The following TTN variants were observed in gnomAD, a reference collection of about 807,000 sequenced individuals.
TTN encodes the protein connectin.
TTN carries 1,525 observed loss-of-function variants against 3,223.0 expected under a neutral mutation model. The observed-to-expected ratio is 0.47, with a 90% confidence interval of 0.45 to 0.49. The LOEUF (loss-of-function observed/expected upper bound fraction) is 0.49. Among genes scored for constraint, TTN ranks in the 20% least tolerant of loss-of-function variants. TTN has a pLI of 0.00. For missense variants in TTN, 40,786 were observed against 43,424.0 expected, an observed-to-expected ratio of 0.94 and a Z score of 5.40; for synonymous variants, 14,094 against 15,161.0, an observed-to-expected ratio of 0.93 and a Z score of 5.17.
At chr2:178,800,813 G>A (rs1234584029) in intron 3 of TTN, 131 bp from the exon 4 acceptor site, 7 of 1,019,346 alleles carry the variant, frequency 6.9e-6, no homozygotes, top group Non-Finnish European at 9.6e-6. Flanking sequence ...GAATGTCCTT[G>A]AACCCAGCTC....
chr2:178,598,291 A>T (rs960135346), intron 292 of TTN, among the ~76,000 whole-genome samples: 1 of 152,124 alleles, frequency 6.6e-6, no homozygotes, highest in Non-Finnish European at 1.5e-5. Flanking sequence ...TTTATTCCAC[A>T]TTCCAGGGTT....
rs779585431 is a variant in TTN at position 178,727,640 on chromosome 2, G to A, written c.19938C>T (p.Cys6646=). ...VDASKTGQYT[C]HVTNDVGSDS... ...CGCTACCAACATCATTGGTAACATG[G>A]CAAGTATACTGTCCAGTCTTAGAAG... Residue 6646 remains cysteine (C), a synonymous_variant, in exon 68 of 363, where the codon TGC becomes TGT. Transcript: ENST00000589042. The A allele has an allele frequency of 3.1e-6, 5 of 1,603,960 alleles. 1 individual carries two copies. The South Asian group carries it at 5.6e-5, about 18-fold the overall frequency.
In TTN at chr2:178,687,699, T is replaced by A. The variant is rs1260777495; in HGVS notation, c.32311+412A>T. On this transcript the variant is annotated intron_variant, in intron 127 of 362. Coordinates refer to ENST00000589042, the MANE Select transcript of TTN (RefSeq NM_001267550.2). ...TAAAGGATTATAATATAAAATATATTTCTGTCTGTGGATTGTGGTACAAGC... is the reference window on the plus strand; with the variant it reads ...TAAAGGATTATAATATAAAATATATATCTGTCTGTGGATTGTGGTACAAGC... Among the ~76,000 whole-genome samples the A allele has an allele frequency of 3.3e-5, 5 of 152,336 alleles. No homozygotes were observed. The East Asian group carries it at 9.6e-4, about 29-fold the overall frequency.
Position 178,589,350 on chromosome 2 carries a change from C to G in TTN, c.62375G>C (p.Gly20792Ala). The G allele has an allele frequency of 6.2e-7, 1 of 1,613,318 alleles. No homozygotes were observed. The highest frequency in any genetic ancestry group is 8.5e-7 in the Non-Finnish European group (1 of 1,179,564). Residue 20792 changes from glycine to alanine, a missense_variant, in exon 304 of 363, where the codon GGG becomes GCG. Coordinates refer to ENST00000589042, the MANE Select transcript of TTN (RefSeq NM_001267550.2). ...TTCTGGGAATGGTTTGCCTCTAACC[C>G]CTGCCTCAAGCCTAATGGTGTCCCC... is the stretch of plus-strand genomic sequence containing the variant. The part of the protein sequence containing the change: ...KAGDTIRLEA[G>A]VRGKPFPEVA...
rs1364724756 is a variant in TTN at position 178,598,987 on chromosome 2, G to C, written c.56723C>G (p.Pro18908Arg). ...RNSMTVNWEEPEYDGGSPVTG... is the reference protein window; with the variant it reads ...RNSMTVNWEEREYDGGSPVTG... ...CACAGGAGAGCCTCCATCATATTCT[G>C]GCTCTTCCCAGTTGACAGTCATGGA... Residue 18908 changes from proline (P) to arginine (R), a missense_variant, in exon 291 of 363, where the codon CCA becomes CGA. Pro to Arg is a moderately radical substitution (Grantham distance 103). Transcript: ENST00000589042. 1.2e-6 allele frequency: 2 copies of C among 1,611,228 alleles called. No individual in the cohort carries two copies. The highest frequency in any genetic ancestry group is 1.3e-5 in the African/African-American group (1 of 74,732).
Position 178,783,741 on chromosome 2 carries a change from A to G in TTN, c.2820T>C (p.Val940=). The G allele has an allele frequency of 6.2e-7, 1 of 1,613,660 alleles. No homozygotes were observed. The highest frequency in any genetic ancestry group is 8.5e-7 in the Non-Finnish European group (1 of 1,179,770). Reference sequence around the variant, plus strand: ...TCACCGAGACCAAAGTTGGTGGAGTAACAGGAATTTCAACAGGTGCTGGTA... The same window carrying G: ...TCACCGAGACCAAAGTTGGTGGAGTGACAGGAATTTCAACAGGTGCTGGTA... ...ARVPAPVEIP[V]TPPTLVSGLK... The change falls in exon 17 of 363, where the codon GTT becomes GTC. Residue 940 remains valine, a synonymous_variant. Coordinates refer to ENST00000589042, the MANE Select transcript of TTN (RefSeq NM_001267550.2).
intron 202 of TTN, 52 bp downstream of exon 202, chr2:178,652,406 T>C (rs951750955): frequency 2.5e-6 from 4 of 1,612,992 alleles, no homozygotes; most frequent in African/African-American, 2.7e-5. Context: ...GAAAAATACT[T>C]TCCAGAGCAG....
At chr2:178,778,846 A>G (rs1349066331) in intron 24 of TTN, 28 bp downstream of exon 24, 3 of 1,613,402 alleles carry the variant, frequency 1.9e-6, no homozygotes, top group Admixed American at 1.7e-5. Flanking sequence ...TTTACATACT[A>G]AATAACCCAA....
chr2:178,614,652 G>A lies in TTN; in HGVS notation c.48862C>T (p.Pro16288Ser), dbSNP rs894986526. The change falls in exon 261 of 363, where the codon CCT becomes TCT. Residue 16288 changes from proline (P) to serine (S), a missense_variant. Pro to Ser is a moderately conservative substitution (Grantham distance 74). Coordinates refer to ENST00000589042, the MANE Select transcript of TTN (RefSeq NM_001267550.2). ...LPATVTGKPE[P>S]KITWTKADMI... The stretch of plus-strand genomic sequence containing the variant: ...TCAGCCTTTGTCCAAGTTATTTTAG[G>A]TTCAGGTTTTCCGGTTACGGTGGCA... 2 of 1,612,346 alleles carry A rather than the reference G, an allele frequency of 1.2e-6. No homozygotes were observed. Among genetic ancestry groups the A allele is most frequent in the East Asian group, 2.2e-5 (1 of 44,558 alleles).
Position 178,577,448 on chromosome 2 carries a change from T to G in TTN, c.68887A>C (p.Thr22963Pro), listed in dbSNP as rs771761816. The G allele has an allele frequency of 1.1e-5, 18 of 1,606,804 alleles. No individual in the cohort carries two copies. The Admixed American group carries it at 2.3e-4, about 21-fold the overall frequency. ...ATGCTAATGGCATTCAAAACAATGGTATCCCCTGCTTTAATTGTTAGCCCA... is the reference window on the plus strand; with the variant it reads ...ATGCTAATGGCATTCAAAACAATGGGATCCCCTGCTTTAATTGTTAGCCCA... ...KDGLTIKAGD[T>P]IVLNAISILG... The change falls in exon 324 of 363, where the codon ACC becomes CCC. Residue 22963 changes from threonine to proline, a missense_variant. Thr to Pro is a conservative substitution (Grantham distance 38, BLOSUM62 -1). Coordinates refer to ENST00000589042, the MANE Select transcript of TTN (RefSeq NM_001267550.2).
Position 178,618,614 on chromosome 2 carries a change from C to T in TTN, c.46936G>A (p.Ala15646Thr). The T allele has an allele frequency of 4.3e-6, 7 of 1,612,170 alleles. No individual in the cohort carries two copies. The highest frequency in any genetic ancestry group is 5.9e-6 in the Non-Finnish European group (7 of 1,179,014). The change falls in exon 251 of 363, where the codon GCA becomes ACA. Residue 15646 changes from alanine (A) to threonine (T), a missense_variant. Transcript: ENST00000589042. ...ACTTTTAAATTGATGAATCCTTCTG[C>T]TTTTCCATGTTTGTTCTGAAGCACA... ...KIVLQNKHGK[A>T]EGFINLKVID...
In TTN at chr2:178,582,083, C is replaced by T; in HGVS notation, c.66286G>A (p.Glu22096Lys). ...PITGYLLEKR[E>K]TQAVNWTKVN... ...TTAGTCCAGTTAACAGCCTGGGTTT[C>T]CCGCTTTTCAAGCAAATAGCCAGTG... The change falls in exon 315 of 363, where the codon GAA (glutamate) becomes AAA (lysine). Residue 22096 changes from glutamate to lysine, a missense_variant. Transcript: ENST00000589042. 1 of 1,613,154 alleles carries T rather than the reference C, an allele frequency of 6.2e-7. No homozygotes were observed. Among genetic ancestry groups the T allele is most frequent in the Non-Finnish European group, 8.5e-7 (1 of 1,179,492 alleles).
chr2:178,547,693 T>C lies in TTN; in HGVS notation c.93933A>G (p.Pro31311=). The change falls in exon 339 of 363, where the codon CCA becomes CCG. Residue 31311 remains proline (P), a synonymous_variant. Coordinates refer to ENST00000589042, the MANE Select transcript of TTN (RefSeq NM_001267550.2). The part of the protein sequence containing the change: ...VTVVVIGRPG[P]VTGPIEVSSV... ...ATGAGACCTCAATGGGGCCGGTTAC[T>C]GGACCTGGCCTTCCAATGACCACAA... 6.2e-7 allele frequency: 1 copy of C among 1,613,934 alleles called. No homozygotes were observed. The highest frequency in any genetic ancestry group is 1.1e-5 in the South Asian group (1 of 91,086).
chr2:178,609,306 C>A lies in TTN; in HGVS notation c.52004G>T (p.Arg17335Leu), dbSNP rs367603302. The change falls in exon 273 of 363, where the codon CGC (arginine) becomes CTC (leucine). Residue 17335 changes from arginine (R) to leucine (L), a missense_variant. By Grantham distance (102) the Arg-to-Leu change is moderately radical. Transcript: ENST00000589042. ...GTCAGGTCGGAGAGAATCTCGGACG[C>A]GTAGCTGAGATTCTCCCTTTTTGCT... The part of the protein sequence containing the change: ...DNSKKGESQL[R>L]VRDSLRPDHG... The A allele has an allele frequency of 6.2e-7, 1 of 1,605,200 alleles. No homozygotes were observed. The highest frequency in any genetic ancestry group is 1.3e-5 in the African/African-American group (1 of 74,434).
chr2:178,542,069 C>T, intron 349 of TTN, 195 bp downstream of exon 349: 1 of 499,380 alleles, frequency 2.0e-6, no homozygotes, highest in Non-Finnish European at 3.4e-6. Context: ...AAAATCAAGC[C>T]TAAGTGTGTT....
intron 127 of TTN, among the ~76,000 whole-genome samples, chr2:178,686,532 A>G (rs2070975651): frequency 1.3e-5 from 2 of 152,042 alleles, no homozygotes; most frequent in Admixed American, 1.3e-4. Context: ...ATCCTCCTGC[A>G]TCAGCCTCCT....
Position 178,711,009 on chromosome 2 carries a change from T to C in TTN, c.28174+53A>G, listed in dbSNP as rs1261741373. 5 of 1,548,066 alleles carry C rather than the reference T, an allele frequency of 3.2e-6. No individual in the cohort carries two copies. The African/African-American group carries it at 4.1e-5, about 13-fold the overall frequency. On this transcript the variant is annotated intron_variant, in intron 97 of 362. Coordinates refer to ENST00000589042, the MANE Select transcript of TTN (RefSeq NM_001267550.2). ...AAATAGAAATTTCTCCCTAAGTTCATATTTGATTATAATACTTTAATTCTA... is the reference window on the plus strand; with the variant it reads ...AAATAGAAATTTCTCCCTAAGTTCACATTTGATTATAATACTTTAATTCTA...
At position 178,592,521 on chromosome 2, in the gene TTN, T is replaced by C; in HGVS notation, c.59484A>G (p.Pro19828=). The C allele has an allele frequency of 9.3e-6, 15 of 1,613,536 alleles. No homozygotes were observed. The highest frequency in any genetic ancestry group is 1.2e-5 in the Non-Finnish European group (14 of 1,179,586). The stretch of plus-strand genomic sequence containing the variant: ...GAGTCACATCAATTCTTGCTTTAGT[T>C]GGAGCATCTCTGTCTTCTTTTTTCC... ...VTWKKEDRDA[P]TKARIDVTPV... is the part of the protein sequence containing the mutation. Residue 19828 remains proline, a synonymous_variant, in exon 301 of 363, where the codon CCA becomes CCG. Transcript: ENST00000589042.
In TTN at chr2:178,634,446, T is replaced by C. The variant is rs749717066; in HGVS notation, c.42335A>G (p.Asn14112Ser). ...ADGKKHILVI[N>S]DSQFDDEGVY... ...CCCTTCATCATCAAATTGAGAATCATTAATAACAAGAATATGTTTCTTTCC... is the reference window on the plus strand; with the variant it reads ...CCCTTCATCATCAAATTGAGAATCACTAATAACAAGAATATGTTTCTTTCC... The change falls in exon 230 of 363, where the codon AAT becomes AGT. Residue 14112 changes from asparagine to serine, a missense_variant. Asn to Ser is a conservative substitution (Grantham distance 46). Transcript: ENST00000589042. The surrounding 1 kb of genome is among the most constrained non-coding windows in gnomAD (Gnocchi z 4.6). 3.1e-6 allele frequency: 5 copies of C among 1,613,212 alleles called. No homozygotes were observed. The highest frequency in any genetic ancestry group is 4.2e-6 in the Non-Finnish European group (5 of 1,179,474).
Sources: gnomAD v4.1 joint callset for allele counts (sites outside exome capture counted in the v4.1 genomes callset) on GRCh38, gnomAD v4.1.1 for gene constraint, Gnocchi (gnomAD v3.1) non-coding constraint, MANE v1.5 for transcripts, NCBI Gene and HGNC (gene_info 2026-07-23, HGNC 2026-07-21) for gene names.